Variants in THEMIS observed in about 807,000 individuals in gnomAD.
The protein encoded by THEMIS is thymocyte selection associated, also known as protein THEMIS.
THEMIS carries 37 observed loss-of-function variants against 52.6 expected under a neutral mutation model. The ratio of observed to expected loss-of-function variants is 0.70; its 90% CI spans 0.54 to 0.93. The LOEUF (loss-of-function observed/expected upper bound fraction) is 0.93, where lower values mean the gene tolerates loss of function less well. THEMIS is among the 40% of genes least tolerant of loss of function. The pLI, the probability that THEMIS is intolerant of heterozygous loss-of-function variation, is 0.00. For synonymous variants in THEMIS, 292 were observed against 272.7 expected (o/e 1.07, Z -0.70); for missense variants, 808 against 763.1 (o/e 1.06, Z -0.69).
chr6:127,753,174 C>G (rs1187443454), intron 4 of THEMIS, among the ~76,000 whole-genome samples: 2 of 151,862 alleles, frequency 1.3e-5, no homozygotes, highest in East Asian at 1.9e-4. Context: ...CAATATAATA[C>G]AGATCACATA....
chr6:127,835,389 T>C (rs532300976), intron 2 of THEMIS, among the ~76,000 whole-genome samples: 1 of 152,294 alleles, frequency 6.6e-6, no homozygotes, highest in Admixed American at 6.5e-5. Context: ...TTAACATGTA[T>C]ACTTCAGAAT....
chr6:127,917,403 A>C (rs993059296), intron 1 of THEMIS, among the ~76,000 whole-genome samples: 47 of 152,364 alleles, frequency 3.1e-4, no homozygotes, highest in African/African-American at 1.1e-3. Flanking sequence ...TGGATGAATA[A>C]GATATACAGA....
At chr6:127,730,277 T>TAAGA (rs1554215750) in intron 4 of THEMIS, among the ~76,000 whole-genome samples, 2 of 54,672 alleles carry the variant, frequency 3.7e-5, no homozygotes. Flanking sequence ...CTATAGGAAA[T>TAAGA]AAAGAAAAGA....
Position 127,832,777 on chromosome 6 carries a change from C to CTTTTTTTTTTTTTTTTTTTTTTTTT in THEMIS, c.251-2844_251-2843insAAAAAAAAAAAAAAAAAAAAAAAAA, listed in dbSNP as rs11355741. On this transcript the variant is annotated intron_variant, in intron 2 of 5. Coordinates refer to ENST00000368248, the MANE Select transcript of THEMIS (RefSeq NM_001010923.3). ...CTATTTCCACCTAGGATTGTCAGATCTTTTTTTTTTTTTTTTTTTTTTTTG... is the reference window on the plus strand; with the variant it reads ...CTATTTCCACCTAGGATTGTCAGATCTTTTTTTTTTTTTTTTTTTTTTTTTTTTTTTTTTTTTTTTTTTTTTTTTG... Among the ~76,000 whole-genome samples, 16 of 57,796 alleles carry CTTTTTTTTTTTTTTTTTTTTTTTTT rather than the reference C, an allele frequency of 2.8e-4. 4 individuals are homozygous for CTTTTTTTTTTTTTTTTTTTTTTTTT. Among genetic ancestry groups the CTTTTTTTTTTTTTTTTTTTTTTTTT allele is most frequent in the African/African-American group, 1.1e-3 (14 of 13,092 alleles). 37.9% of individuals were successfully genotyped at this position (57,796 alleles called of 152,430 possible).
chr6:127,803,461 C>T (rs1777602548), intron 4 of THEMIS, among the ~76,000 whole-genome samples: 2 of 152,098 alleles, frequency 1.3e-5, no homozygotes, highest in African/African-American at 2.4e-5. Context: ...CTCCTGAACA[C>T]ATTAACCCTT....
At chr6:127,809,555 T>G (rs1777829740) in intron 4 of THEMIS, among the ~76,000 whole-genome samples, 1 of 152,150 alleles carries the variant, frequency 6.6e-6, no homozygotes, top group Admixed American at 6.5e-5. Context: ...TATAATGCTT[T>G]ATCTATCACA....
intron 5 of THEMIS, among the ~76,000 whole-genome samples, chr6:127,715,897 G>A (rs184618968): frequency 4.2e-4 from 64 of 151,958 alleles, no homozygotes; most frequent in Admixed American, 4.2e-3. Flanking sequence ...TTTTGATGGA[G>A]AAAGTCAAGC....
At chr6:127,698,104 A>T in the THEMIS span, among the ~76,000 whole-genome samples, 1 of 152,114 alleles carries the variant, frequency 6.6e-6, no homozygotes, top group Non-Finnish European at 1.5e-5. Flanking sequence ...TTTCTGAGAA[A>T]ATTTAAAAAT....
intron 4 of THEMIS, among the ~76,000 whole-genome samples, chr6:127,755,404 T>C (rs988010523): frequency 1.3e-5 from 2 of 152,200 alleles, no homozygotes; most frequent in Non-Finnish European, 2.9e-5. Context: ...TCCAATAAAA[T>C]GGTTAACATT....
intron 5 of THEMIS, among the ~76,000 whole-genome samples, chr6:127,713,731 C>G (rs907196792): frequency 4.0e-5 from 6 of 151,794 alleles, no homozygotes; most frequent in African/African-American, 1.5e-4. Context: ...TAGTCTGTGC[C>G]AGCCTTGAGG....
chr6:127,860,411 A>G (rs9385440), intron 1 of THEMIS, among the ~76,000 whole-genome samples: 30,655 of 152,078 alleles, frequency 0.2, 3,367 homozygotes, highest in South Asian at 0.4. Context: ...CCAAAATATC[A>G]GTATTAAGAA....
chr6:127,714,214 G>C (rs76063031), intron 5 of THEMIS, among the ~76,000 whole-genome samples: 207 of 151,910 alleles, frequency 1.4e-3, no homozygotes, highest in African/African-American at 4.7e-3. Context: ...CATCCCCGTG[G>C]TATACCTGAA....
intron 4 of THEMIS, 23 bp from the exon 5 acceptor site, chr6:127,719,846 T>C (rs1403487996): frequency 6.2e-7 from 1 of 1,608,020 alleles, no homozygotes; most frequent in Non-Finnish European, 8.5e-7. Flanking sequence ...AGGTCACAAG[T>C]AAATTATCAG....
intron 1 of THEMIS, among the ~76,000 whole-genome samples, chr6:127,887,463 G>A (rs1168637114): frequency 6.6e-5 from 10 of 152,046 alleles, no homozygotes. Flanking sequence ...CAATCTGAGT[G>A]TCCATCAACT....
In THEMIS at chr6:127,719,892, T is replaced by C. The variant is rs1774306359; in HGVS notation, c.1759-69A>G. ...ATGCTTCATAGAGATATGAAAGATT[T>C]ATCACATGGCAATTCATTTCTGTAT... On this transcript the variant is annotated intron_variant, in intron 4 of 5. Transcript: ENST00000368248. 1.9e-6 allele frequency: 3 copies of C among 1,563,484 alleles called. 1 individual carries two copies. The Admixed American group carries it at 5.8e-5, about 30-fold the overall frequency.
chr6:127,787,070 T>A (rs1347754000), intron 4 of THEMIS, among the ~76,000 whole-genome samples: 1 of 152,138 alleles, frequency 6.6e-6, no homozygotes, highest in Non-Finnish European at 1.5e-5. Context: ...TTGTCTTTAC[T>A]CAAGCTGACT....
At chr6:127,768,870 C>T (rs1776283639) in intron 4 of THEMIS, among the ~76,000 whole-genome samples, 1 of 152,150 alleles carries the variant, frequency 6.6e-6, no homozygotes, top group African/African-American at 2.4e-5. Flanking sequence ...CTTTTGGCTT[C>T]CCTGTTCTTA....
chr6:127,740,653 C>T (rs764361271), intron 4 of THEMIS, among the ~76,000 whole-genome samples: 5 of 151,726 alleles, frequency 3.3e-5, no homozygotes, highest in East Asian at 1.9e-4. Flanking sequence ...TTTAGCTATC[C>T]GAAAATAAAG....
chr6:127,729,246 G>GA (rs905818928), intron 4 of THEMIS, among the ~76,000 whole-genome samples: 21 of 136,864 alleles, frequency 1.5e-4, no homozygotes, highest in Admixed American at 4.0e-4. Flanking sequence ...TGGTTTAAAA[G>GA]AAAAAAAAAC....
Sources: allele counts gnomAD v4.1 joint callset (sites outside exome capture counted in the v4.1 genomes callset), GRCh38; gene constraint gnomAD v4.1.1; transcripts MANE v1.5; gene names NCBI Gene and HGNC (gene_info 2026-07-23, HGNC 2026-07-21).